Variants in IQCJ observed in about 807,000 individuals in gnomAD.
IQCJ encodes IQ domain-containing protein J.
In IQCJ, 9 loss-of-function variants were observed where a neutral mutation model predicts 11.0. That is an observed-to-expected ratio of 0.82 (90% CI 0.49 to 1.43). IQCJ has a LOEUF of 1.43. Ranked by LOEUF, IQCJ falls within the 40% of genes most tolerant of loss-of-function variation. The pLI, the probability that IQCJ is intolerant of heterozygous loss-of-function variation, is 0.00. For synonymous variants in IQCJ, 55 were observed against 51.3 expected, an observed-to-expected ratio of 1.07 and a Z score of -0.31; for missense variants, 146 against 133.2, an observed-to-expected ratio of 1.10 and a Z score of -0.47.
chr3:159,108,551 T>C (rs746880520), intron 1 of IQCJ, among the ~76,000 whole-genome samples: 3 of 152,210 alleles, frequency 2.0e-5, no homozygotes, highest in Non-Finnish European at 4.4e-5. Context: ...AAAAATACCT[T>C]ATACTCTATC....
At chr3:159,078,150 G>A (rs1433392322) in intron 1 of IQCJ, among the ~76,000 whole-genome samples, 1 of 96,284 alleles carries the variant, frequency 1.0e-5, no homozygotes, top group Admixed American at 1.0e-4. Context: ...TTAGATGGGG[G>A]CAAGGAGCAT....
chr3:159,174,718 T>C (rs1393014454), intron 1 of IQCJ, among the ~76,000 whole-genome samples: 5 of 152,238 alleles, frequency 3.3e-5, no homozygotes, highest in African/African-American at 9.6e-5. Flanking sequence ...TGTACACATA[T>C]ATTACACAGA....
intron 2 of IQCJ, among the ~76,000 whole-genome samples, chr3:159,252,328 A>T (rs766559630): frequency 1.4e-4 from 22 of 152,228 alleles, no homozygotes; most frequent in Non-Finnish European, 3.1e-4. Flanking sequence ...GGAAAGGTCC[A>T]GTGGCAGTGG....
chr3:159,089,742 A>C (rs952379144), intron 1 of IQCJ, among the ~76,000 whole-genome samples: 5 of 151,390 alleles, frequency 3.3e-5, no homozygotes, highest in African/African-American at 1.2e-4. Context: ...TTCTTTACGT[A>C]GTTCTAGAGC....
intron 1 of IQCJ, among the ~76,000 whole-genome samples, chr3:159,244,498 A>G (rs1026521593): frequency 6.6e-6 from 1 of 152,234 alleles, no homozygotes; most frequent in Non-Finnish European, 1.5e-5. Context: ...AAAATCCTCT[A>G]TATACTAGAC....
chr3:159,101,331 C>T (rs139200163), intron 1 of IQCJ, among the ~76,000 whole-genome samples: 3,784 of 151,992 alleles, frequency 0.025, 65 homozygotes, highest in Admixed American at 0.044. Flanking sequence ...CCGTCTTCTG[C>T]GTCGCTCAGG....
chr3:159,167,314 A>C (rs1722227248), intron 1 of IQCJ, among the ~76,000 whole-genome samples: 1 of 152,150 alleles, frequency 6.6e-6, no homozygotes, highest in Admixed American at 6.5e-5. Context: ...ATTGATTTCC[A>C]TTTTCTGAAA....
chr3:159,146,283 T>G (rs73164367), intron 1 of IQCJ, among the ~76,000 whole-genome samples: 41 of 152,188 alleles, frequency 2.7e-4, no homozygotes, highest in Non-Finnish European at 5.3e-4. Flanking sequence ...GTAAGAAGGC[T>G]TTGGAAATAA....
chr3:159,090,196 G>T (rs953681931), intron 1 of IQCJ, among the ~76,000 whole-genome samples: 3 of 151,662 alleles, frequency 2.0e-5, no homozygotes, highest in South Asian at 4.1e-4. Flanking sequence ...GTGTCAGTCT[G>T]CCCCTGCTGT....
intron 1 of IQCJ, among the ~76,000 whole-genome samples, chr3:159,206,984 T>A (rs1724692445): frequency 6.6e-6 from 1 of 152,212 alleles, no homozygotes; most frequent in Non-Finnish European, 1.5e-5. Context: ...CTTGAGATAT[T>A]TGTATTTGCT....
At chr3:159,251,330 G>GTA in intron 2 of IQCJ, among the ~76,000 whole-genome samples, 1 of 151,510 alleles carries the variant, frequency 6.6e-6, no homozygotes, top group East Asian at 1.9e-4. Context: ...TATTTGAATA[G>GTA]CTTTCTAACT....
chr3:159,216,028 T>C (rs1725206813), intron 1 of IQCJ, among the ~76,000 whole-genome samples: 1 of 145,326 alleles, frequency 6.9e-6, no homozygotes, highest in South Asian at 2.1e-4. Context: ...AACTGTAAGA[T>C]TTTTCTCCCT....
intron 1 of IQCJ, among the ~76,000 whole-genome samples, chr3:159,107,119 A>G (rs12637131): frequency 0.069 from 10,519 of 152,048 alleles, 639 homozygotes; most frequent in East Asian, 0.37. Context: ...TATCTGCCCT[A>G]CCTGCTGTGG....
intron 1 of IQCJ, among the ~76,000 whole-genome samples, chr3:159,075,723 T>G (rs1045320024): frequency 6.6e-6 from 1 of 151,980 alleles, no homozygotes; most frequent in Non-Finnish European, 1.5e-5. Context: ...ACTCAAAACT[T>G]TAGGGAAGCG....
chr3:159,229,676 C>T (rs575141157), intron 1 of IQCJ, among the ~76,000 whole-genome samples: 114 of 140,792 alleles, frequency 8.1e-4, no homozygotes, highest in Non-Finnish European at 1.5e-3. Context: ...TGTGTTGTGG[C>T]TTCTACTCAA....
chr3:159,071,430 C>T (rs1044580780), intron 1 of IQCJ, among the ~76,000 whole-genome samples: 1 of 151,880 alleles, frequency 6.6e-6, no homozygotes, highest in South Asian at 2.1e-4. Context: ...ATGTAAATAT[C>T]TTAATGAAGG....
At chr3:159,079,875 T>C (rs1221873279) in intron 1 of IQCJ, among the ~76,000 whole-genome samples, 1 of 152,108 alleles carries the variant, frequency 6.6e-6, no homozygotes, top group Non-Finnish European at 1.5e-5. Context: ...TTATAAAAAA[T>C]AAATTCCTAA....
chr3:159,156,531 G>C (rs1721531712), intron 1 of IQCJ, among the ~76,000 whole-genome samples: 1 of 152,224 alleles, frequency 6.6e-6, no homozygotes. Flanking sequence ...GAATGGGTCA[G>C]AAGGTTGGTG....
At chr3:159,239,719 T>C (rs1726800092) in intron 1 of IQCJ, among the ~76,000 whole-genome samples, 1 of 152,256 alleles carries the variant, frequency 6.6e-6, no homozygotes, top group Non-Finnish European at 1.5e-5. Context: ...TGATCACATA[T>C]ACAACCCATA....
Sources: allele counts gnomAD v4.1 joint callset (sites outside exome capture counted in the v4.1 genomes callset), GRCh38; gene constraint gnomAD v4.1.1; transcripts MANE v1.5; gene names NCBI Gene and HGNC (gene_info 2026-07-23, HGNC 2026-07-21).